Variants in TNRC6A observed in about 807,000 individuals in gnomAD.
TNRC6A encodes the protein trinucleotide repeat-containing gene 6A protein.
Under a neutral mutation model 221.2 loss-of-function variants are expected in TNRC6A, and 44 were observed. The ratio of observed to expected loss-of-function variants is 0.20; its 90% CI spans 0.16 to 0.26. The LOEUF (loss-of-function observed/expected upper bound fraction) is 0.26, where lower values mean the gene tolerates loss of function less well. TNRC6A is among the 10% of genes least tolerant of loss of function. The pLI is 1.00. For synonymous variants in TNRC6A, 847 were observed against 838.5 expected (o/e 1.01, Z -0.18); for missense variants, 2,199 against 2,404.4 (o/e 0.91, Z 1.79).
intron 4 of TNRC6A, among the ~76,000 whole-genome samples, chr16:24,776,054 G>T (rs1015568335): frequency 1.3e-5 from 2 of 152,048 alleles, no homozygotes; most frequent in Admixed American, 1.3e-4. Context: ...GAAAACAGCA[G>T]GCTCAGTTAG....
intron 2 of TNRC6A, among the ~76,000 whole-genome samples, chr16:24,688,749 A>G (rs998269116): frequency 6.6e-6 from 1 of 152,176 alleles, no homozygotes; most frequent in Non-Finnish European, 1.5e-5. Flanking sequence ...CTTTCTCTCT[A>G]TGAGCCTAGG....
At chr16:24,726,432 A>AT (rs1420592731), upstream of TNRC6A, among the ~76,000 whole-genome samples, 2 of 152,014 alleles carry the variant, frequency 1.3e-5, no homozygotes, top group Admixed American at 1.3e-4. Flanking sequence ...ATGGCCTAGC[A>AT]AAGAGATTCT....
At chr16:24,616,752 G>A (rs967778713) in intron 1 of TNRC6A, among the ~76,000 whole-genome samples, 4 of 151,998 alleles carry the variant, frequency 2.6e-5, no homozygotes, top group African/African-American at 9.7e-5. Flanking sequence ...GGTCAACATG[G>A]CGAAACCCCG....
intron 1 of TNRC6A, among the ~76,000 whole-genome samples, chr16:24,631,412 T>C (rs1371694671): frequency 6.6e-6 from 1 of 152,184 alleles, no homozygotes; most frequent in Admixed American, 6.6e-5. Flanking sequence ...CACTCTTGGT[T>C]TGCCCCTATT....
intron 11 of TNRC6A, among the ~76,000 whole-genome samples, chr16:24,802,450 G>C (rs2058348674): frequency 1.3e-5 from 2 of 152,200 alleles, no homozygotes; most frequent in African/African-American, 4.8e-5. Context: ...TCAGGAAGCT[G>C]AGGTGAGAGG....
intron 2 of TNRC6A, among the ~76,000 whole-genome samples, chr16:24,690,496 A>T (rs1268772721): frequency 1.3e-5 from 2 of 152,114 alleles, no homozygotes; most frequent in African/African-American, 4.8e-5. Flanking sequence ...TATTATAATA[A>T]AATAGCCTTA....
intron 2 of TNRC6A, among the ~76,000 whole-genome samples, chr16:24,658,969 C>T (rs117296052): frequency 0.032 from 4,906 of 151,350 alleles, 199 homozygotes; most frequent in East Asian, 0.15. Flanking sequence ...CTACCACACC[C>T]GGCTAATTTT....
intron 2 of TNRC6A, among the ~76,000 whole-genome samples, chr16:24,693,990 A>G (rs906017426): frequency 6.6e-6 from 1 of 152,178 alleles, no homozygotes. Context: ...GTTTTTCAAC[A>G]TATTATTATT....
At chr16:24,782,978 T>G (rs961151628) in intron 5 of TNRC6A, among the ~76,000 whole-genome samples, 8 of 152,324 alleles carry the variant, frequency 5.3e-5, no homozygotes, top group African/African-American at 1.9e-4. Context: ...TAAATATTAT[T>G]TACTTTCGAA....
Position 24,750,819 on chromosome 16 carries a change from A to G in TNRC6A, c.141+6A>G, listed in dbSNP as rs1377615449. 6.5e-7 allele frequency: 1 copy of G among 1,535,412 alleles called. No individual in the cohort carries two copies. On this transcript the variant is annotated splice_donor_region_variant and intron_variant, in intron 3 of 24. Transcript: ENST00000395799. ...AGGAAGCTGCTCAAAAGAAGGTAGT[A>G]TGTGTGTAAACTATTTATATTAAGC...
Position 24,823,095 on chromosome 16 carries a change from G to C in TNRC6A, c.5513+82G>C. 1 of 1,584,466 alleles carries C rather than the reference G, an allele frequency of 6.3e-7. No homozygotes were observed. Among genetic ancestry groups the C allele is most frequent in the Non-Finnish European group, 8.6e-7 (1 of 1,159,456 alleles). On this transcript the variant is annotated intron_variant, in intron 24 of 24. Coordinates refer to ENST00000395799, the MANE Select transcript of TNRC6A (RefSeq NM_014494.4). This position sits in a 1 kb window ranked among gnomAD's most constrained non-coding sequence, Gnocchi z 4.3. ...ACAGCCTGACCCGGGGCAGTGCACA[G>C]GGTCCTGCGTGGGTGGCTCCTGCTG...
At chr16:24,710,975 A>C (rs2056195116) in intron 2 of TNRC6A, among the ~76,000 whole-genome samples, 2 of 151,948 alleles carry the variant, frequency 1.3e-5, no homozygotes, top group South Asian at 4.2e-4. Context: ...TCCCGGGTTC[A>C]AGGGATTCTC....
intron 2 of TNRC6A, 77 bp downstream of exon 2, chr16:24,730,377 A>G: frequency 6.6e-7 from 1 of 1,524,802 alleles, no homozygotes; most frequent in Non-Finnish European, 8.8e-7. Flanking sequence ...TTCTGGGTTG[A>G]GAAGTTCCCC....
chr16:24,702,107 CTTTT>C (rs201421601), intron 2 of TNRC6A, among the ~76,000 whole-genome samples: 3 of 50,248 alleles, frequency 6.0e-5, no homozygotes, highest in Non-Finnish European at 1.1e-4. Context: ...TTTCTTTTTT[CTTTT>C]TTTTTTTTTT....
rs113757878 is a variant in TNRC6A, at chr16:24,786,099, G to A, written c.590-3133G>A. Among the ~76,000 whole-genome samples, 12 of 152,294 alleles carry A rather than the reference G, an allele frequency of 7.9e-5. 1 individual carries two copies. Among genetic ancestry groups the A allele is most frequent in the African/African-American group, 2.6e-4 (11 of 41,564 alleles). On this transcript the variant is annotated intron_variant, in intron 5 of 24. Transcript: ENST00000395799. The stretch of plus-strand genomic sequence containing the variant: ...TGAAGATTCTGCTAAAGATATCTAA[G>A]TGGAAATTTTAAGTAAGGAAGTTAT...
chr16:24,714,746 CT>C (rs1281061937), intron 2 of TNRC6A, among the ~76,000 whole-genome samples: 2 of 152,086 alleles, frequency 1.3e-5, no homozygotes, highest in African/African-American at 4.8e-5. Context: ...GCTCTAATAA[CT>C]GTCTTGATGT....
Position 24,777,081 on chromosome 16 carries a change from GCAGCAGCAGCAGCCA to G in TNRC6A, c.323_337del (p.Gln108_Gln112del), listed in dbSNP as rs778965479. The G allele has an allele frequency of 3.1e-6, 5 of 1,600,996 alleles. No individual in the cohort carries two copies. The highest frequency in any genetic ancestry group is 1.4e-5 in the African/African-American group (1 of 73,222). On this transcript the variant is annotated inframe_deletion, in exon 5 of 25. Coordinates refer to ENST00000395799, the MANE Select transcript of TNRC6A (RefSeq NM_014494.4). ...AGCAGCAGCAGCAACAGCAGCAGCCGCAGCAGCAGCAGCCACAGCAGCAGCCACAGCCGCAGCCGC... is the reference window on the plus strand; with the variant it reads ...AGCAGCAGCAGCAACAGCAGCAGCCGCAGCAGCAGCCACAGCCGCAGCCGC...
Position 24,806,707 on chromosome 16 carries a change from ACAATGT to A in TNRC6A, c.4466_4471del (p.Asn1489_Val1490del). ...CAGCCAGCCATGAAGTCTTTCCTTGACAATGTCATGCCCCACACTACACCTGAGCTG... is the reference window on the plus strand; with the variant it reads ...CAGCCAGCCATGAAGTCTTTCCTTGACATGCCCCACACTACACCTGAGCTG... On this transcript the variant is annotated inframe_deletion, in exon 17 of 25. Transcript: ENST00000395799. 1 of 1,614,166 alleles carries A rather than the reference ACAATGT, an allele frequency of 6.2e-7. No homozygotes were observed. Among genetic ancestry groups the A allele is most frequent in the Non-Finnish European group, 8.5e-7 (1 of 1,180,024 alleles).
At chr16:24,731,605 C>T (rs1800902782) in intron 2 of TNRC6A, among the ~76,000 whole-genome samples, 1 of 152,102 alleles carries the variant, frequency 6.6e-6, no homozygotes, top group Admixed American at 6.6e-5. Context: ...TTAAAGAAAA[C>T]AGGTTGAGCC....
Sources: gnomAD v4.1 joint callset for allele counts (sites outside exome capture counted in the v4.1 genomes callset) on GRCh38, gnomAD v4.1.1 for gene constraint, Gnocchi (gnomAD v3.1) non-coding constraint, MANE v1.5 for transcripts, NCBI Gene and HGNC (gene_info 2026-07-23, HGNC 2026-07-21) for gene names.